Variants in IL27RA observed in about 807,000 individuals in gnomAD.
IL27RA encodes interleukin 27 receptor subunit alpha.
In IL27RA, 61 loss-of-function variants were observed where a neutral mutation model predicts 80.8. The ratio of observed to expected loss-of-function variants is 0.76; its 90% CI spans 0.61 to 0.93. The LOEUF is 0.93. IL27RA is among the 40% of genes least tolerant of loss of function. The probability of loss-of-function intolerance (pLI) is 0.00; values close to 1 mark genes in which losing one functional copy is unlikely to be tolerated. For synonymous variants in IL27RA, 316 were observed against 332.5 expected, an observed-to-expected ratio of 0.95 and a Z score of 0.54; for missense variants, 735 against 808.1, an observed-to-expected ratio of 0.91 and a Z score of 1.10.
chr19:14,032,674 C>T (rs1306428798), intron 2 of IL27RA, among the ~76,000 whole-genome samples, 171 bp downstream of exon 2: 2 of 147,836 alleles, frequency 1.4e-5, no homozygotes, highest in South Asian at 2.2e-4. Context: ...GGGGTGGTGG[C>T]GCGCGCCTGT....
Position 14,051,709 on chromosome 19 carries a change from G to A in IL27RA, c.1622+9G>A, listed in dbSNP as rs1302135597. ...CTGGCCACCTCTGGAAGGTGAGGCTGTCGGATACATGCATCTCTACCCACG... is the reference window on the plus strand; with the variant it reads ...CTGGCCACCTCTGGAAGGTGAGGCTATCGGATACATGCATCTCTACCCACG... On this transcript the variant is annotated intron_variant, in intron 12 of 13. Coordinates refer to ENST00000263379, the MANE Select transcript of IL27RA (RefSeq NM_004843.4). 6.3e-7 allele frequency: 1 copy of A among 1,587,514 alleles called. No individual in the cohort carries two copies.
intron 2 of IL27RA, among the ~76,000 whole-genome samples, chr19:14,032,822 AAAAAG>A (rs1317909973): frequency 0.012 from 1,378 of 116,044 alleles, 23 homozygotes; most frequent in South Asian, 0.031. Flanking sequence ...AAAAAAAAAA[AAAAAG>A]AAAAGAAAAG....
At chr19:14,036,669 A>G (rs973271368) in intron 2 of IL27RA, among the ~76,000 whole-genome samples, 24 of 151,770 alleles carry the variant, frequency 1.6e-4, no homozygotes, top group African/African-American at 4.1e-4. Context: ...TTGTATTTTT[A>G]GTAGAGCCGA....
Position 14,046,606 on chromosome 19 carries a change from G to C in IL27RA, c.1129G>C (p.Ala377Pro). 1 of 1,606,150 alleles carries C rather than the reference G, an allele frequency of 6.2e-7. No individual in the cohort carries two copies. Among genetic ancestry groups the C allele is most frequent in the Non-Finnish European group, 8.5e-7 (1 of 1,175,906 alleles). ...CCGGCTTCCCCCTGGGAACCTCAGT[G>C]CTCTGTTACCAGGTGAGGCCCTGGG... The part of the protein sequence containing the change: ...WVRLPPGNLS[A>P]LLPGNFTVGV... The change falls in exon 8 of 14, where the codon GCT (alanine) becomes CCT (proline). Residue 377 changes from alanine (A) to proline (P), a missense_variant. By Grantham distance (27) the Ala-to-Pro change is conservative. Coordinates refer to ENST00000263379, the MANE Select transcript of IL27RA (RefSeq NM_004843.4).
chr19:14,048,194 G>A (rs1976099219), intron 8 of IL27RA, among the ~76,000 whole-genome samples: 1 of 151,862 alleles, frequency 6.6e-6, no homozygotes, highest in Non-Finnish European at 1.5e-5. Context: ...CTGAGCTCAG[G>A]CAATCCACCT....
At chr19:14,048,820 AC>A (rs1355653656) in intron 8 of IL27RA, among the ~76,000 whole-genome samples, 160 bp from the exon 9 acceptor site, 8 of 151,942 alleles carry the variant, frequency 5.3e-5, no homozygotes, top group Non-Finnish European at 1.2e-4. Flanking sequence ...TCACTCCCCT[AC>A]TGCCCTATTG....
Position 14,052,300 on chromosome 19 carries a change from C to G in IL27RA, c.*10C>G. 1 of 1,476,302 alleles carries G rather than the reference C, an allele frequency of 6.8e-7. No homozygotes were observed. The highest frequency in any genetic ancestry group is 9.0e-7 in the Non-Finnish European group (1 of 1,113,820). The allele number at this position is 1,476,302 out of a possible 1,614,324, so 91.5% of individuals were successfully genotyped here. On this transcript the variant is annotated 3_prime_UTR_variant, in exon 14 of 14. Transcript: ENST00000263379. ...ACAGGTTCTGGCCTGAACCACACGTCTGGCTGGGGGCTGCCAGCCAGGCTA... is the reference window on the plus strand; with the variant it reads ...ACAGGTTCTGGCCTGAACCACACGTGTGGCTGGGGGCTGCCAGCCAGGCTA...
Position 14,032,115 on chromosome 19 carries a change from G to A in IL27RA, c.100+143G>A, listed in dbSNP as rs372496320. ...TCGGCTCCTCCCGGGGCAGGGACCC[G>A]GCGACACTGGGGAATGGGCGGCAGC... On this transcript the variant is annotated intron_variant, in intron 1 of 13. Transcript: ENST00000263379. 596 of 793,816 alleles carry A rather than the reference G, an allele frequency of 7.5e-4. 7 individuals carry two copies. In the South Asian group the frequency reaches 1.0e-2, roughly 13 times the overall value. 49.2% of individuals were successfully genotyped at this position (793,816 alleles called of 1,614,324 possible). A position where few individuals can be genotyped will look rare whatever the true frequency, so the allele number is the denominator to read the frequency against.
intron 2 of IL27RA, among the ~76,000 whole-genome samples, chr19:14,034,878 A>G (rs1341472477): frequency 1.4e-5 from 2 of 144,312 alleles, no homozygotes; most frequent in African/African-American, 5.2e-5. Flanking sequence ...GCGTGAACCC[A>G]GGAGGCAGAG....
chr19:14,044,459 C>T (rs1350634236), intron 6 of IL27RA, among the ~76,000 whole-genome samples: 2 of 151,828 alleles, frequency 1.3e-5, no homozygotes, highest in South Asian at 4.2e-4. Flanking sequence ...AGGCTGGTCT[C>T]GAACTCCTGA....
chr19:14,050,583 C>T (rs1976146320), intron 10 of IL27RA, among the ~76,000 whole-genome samples, 175 bp from the exon 11 acceptor site: 2 of 150,788 alleles, frequency 1.3e-5, no homozygotes, highest in Admixed American at 6.6e-5. Flanking sequence ...TCAAATAGAG[C>T]GGGGTCAAGG....
At chr19:14,049,628 C>T (rs1389318256) in intron 10 of IL27RA, among the ~76,000 whole-genome samples, 3 of 148,182 alleles carry the variant, frequency 2.0e-5, no homozygotes, top group Admixed American at 6.8e-5. Context: ...TGTCACCAGG[C>T]TGGAGTGCAA....
rs1246769224 is a variant in IL27RA, at chr19:14,046,433, C to G, written c.956C>G (p.Ser319Ter). 1.4e-5 allele frequency: 22 copies of G among 1,614,058 alleles called. No individual in the cohort carries two copies. Among genetic ancestry groups the G allele is most frequent in the Non-Finnish European group, 1.7e-5 (20 of 1,180,044 alleles). ...LTNLSLVCLDSASAPRSVAVS... is the reference protein window; with the variant it reads ...LTNLSLVCLD ...GAGACTTCTCTCCACCCTCCAGATT[C>G]AGCCTCTGCCCCCCGTAGCGTGGCA... Residue 319 changes from serine (S) to a stop codon, truncating the protein, a stop_gained, in exon 8 of 14, where the codon TCA (serine) becomes TGA (stop). Transcript: ENST00000263379. LOFTEE classifies it high-confidence loss of function.
intron 2 of IL27RA, among the ~76,000 whole-genome samples, chr19:14,037,785 G>A (rs1975925761): frequency 6.6e-6 from 1 of 151,710 alleles, no homozygotes; most frequent in Non-Finnish European, 1.5e-5. Context: ...GAGGCCAGGA[G>A]TTCGAGACCA....
intron 4 of IL27RA, among the ~76,000 whole-genome samples, chr19:14,041,724 G>A (rs1975991887): frequency 2.6e-5 from 4 of 152,130 alleles, no homozygotes; most frequent in African/African-American, 9.7e-5. Context: ...CCATGTTCTG[G>A]AAACCCCCTT....
intron 6 of IL27RA, 39 bp downstream of exon 6, chr19:14,042,828 T>C (rs1976012241): frequency 6.5e-7 from 1 of 1,544,938 alleles, no homozygotes; most frequent in South Asian, 1.1e-5. Flanking sequence ...CTGCACGTGT[T>C]AGGAAACCCC....
chr19:14,037,894 G>A (rs1016524440), intron 2 of IL27RA, among the ~76,000 whole-genome samples: 14 of 148,276 alleles, frequency 9.4e-5, no homozygotes, highest in African/African-American at 3.2e-4. Context: ...GCAGTGGTGC[G>A]ATCTCGGCTC....
At chr19:14,032,863 CCCT>C (rs1362646676) in intron 2 of IL27RA, among the ~76,000 whole-genome samples, 3 of 151,062 alleles carry the variant, frequency 2.0e-5, no homozygotes, top group Non-Finnish European at 4.4e-5. Context: ...GAGTCTGCCC[CCCT>C]CCCCCAATAC....
In IL27RA at chr19:14,031,965, T is replaced by G. The variant is rs1259900969; in HGVS notation, c.93T>G (p.Arg31=). The G allele has an allele frequency of 6.2e-6, 10 of 1,609,614 alleles. No individual in the cohort carries two copies. Among genetic ancestry groups the G allele is most frequent in the Non-Finnish European group, 8.5e-6 (10 of 1,178,090 alleles). Residue 31 remains arginine, a synonymous_variant, in exon 1 of 14, where the codon CGT becomes CGG. Coordinates refer to ENST00000263379, the MANE Select transcript of IL27RA (RefSeq NM_004843.4). ...PLLWVLFQRT[R]PQGSAGPLQC... ...TGTGGGTGCTTTTCCAGCGGACGCG[T>G]CCCCAGGGTGAGTGCTGGAGGGAGC...
Sources: gnomAD v4.1 joint callset for allele counts (sites outside exome capture counted in the v4.1 genomes callset) on GRCh38, gnomAD v4.1.1 for gene constraint, MANE v1.5 for transcripts, NCBI Gene and HGNC (gene_info 2026-07-23, HGNC 2026-07-21) for gene names.